Variants in FXR1 observed in about 807,000 individuals in gnomAD.
FXR1 encodes FMR1 autosomal homolog 1, also known as RNA-binding protein FXR1.
Under a neutral mutation model 84.0 loss-of-function variants are expected in FXR1, and 15 were observed. The ratio of observed to expected loss-of-function variants is 0.18; its 90% CI spans 0.12 to 0.27. The LOEUF (loss-of-function observed/expected upper bound fraction) is 0.27, where lower values mean the gene tolerates loss of function less well. FXR1 is among the 10% of genes least tolerant of loss of function. The pLI, the probability that FXR1 is intolerant of heterozygous loss-of-function variation, is 1.00. For missense variants in FXR1, 480 were observed against 774.4 expected (o/e 0.62, Z 4.51); for synonymous variants, 245 against 250.7 (o/e 0.98, Z 0.21).
In FXR1 at chr3:180,931,429, G is replaced by T. The variant is rs377753937; in HGVS notation, c.52-1905G>T. 4.6e-5 allele frequency among the ~76,000 whole-genome samples: 7 copies of T among 152,230 alleles called. No homozygotes were observed. The East Asian group carries it at 7.8e-4, about 17-fold the overall frequency. Reference sequence around the variant, plus strand: ...AGATGGAGTTTCACCATGTTGGCCAGGCTGGTCTCGAACTCCTGACCTCAG... The same window carrying T: ...AGATGGAGTTTCACCATGTTGGCCATGCTGGTCTCGAACTCCTGACCTCAG... On this transcript the variant is annotated intron_variant, in intron 1 of 16. Transcript: ENST00000357559.
intron 1 of FXR1, among the ~76,000 whole-genome samples, chr3:180,921,969 G>A (rs1359226499): frequency 6.6e-6 from 1 of 152,094 alleles, no homozygotes; most frequent in Non-Finnish European, 1.5e-5. Context: ...TACGCATTCA[G>A]TTACAAGTAT....
At position 180,981,887 on chromosome 3, in the gene FXR1, G is replaced by C. The variant is rs1015666067; in HGVS notation, c.*5595G>C. The C allele has an allele frequency of 1.3e-5, 2 of 151,990 alleles. No individual in the cohort carries two copies. Among genetic ancestry groups the C allele is most frequent in the African/African-American group, 2.4e-5 (1 of 41,390 alleles). 9.4% of individuals were successfully genotyped at this position (151,990 alleles called of 1,614,324 possible). A position where few individuals can be genotyped will look rare whatever the true frequency, so the allele number is the denominator to read the frequency against. ...CCTGGCTTCTGCAGAAGTTTAACTTGTAACCTACCTCTCATTCCCAAAGTG... is the reference window on the plus strand; with the variant it reads ...CCTGGCTTCTGCAGAAGTTTAACTTCTAACCTACCTCTCATTCCCAAAGTG... On this transcript the variant is annotated 3_prime_UTR_variant, in exon 17 of 17. Transcript: ENST00000357559.
chr3:180,949,740 C>T (rs1722033424), intron 7 of FXR1, among the ~76,000 whole-genome samples: 1 of 152,166 alleles, frequency 6.6e-6, no homozygotes, highest in Admixed American at 6.5e-5. Context: ...AGCCCAGGAC[C>T]TCTGTTTCGT....
intron 3 of FXR1, among the ~76,000 whole-genome samples, chr3:180,937,512 G>GT (rs560085990): frequency 4.9e-4 from 74 of 151,918 alleles, no homozygotes; most frequent in South Asian, 1.9e-3. Context: ...TGAATCTAGA[G>GT]TTTTTTTTAA....
chr3:180,974,731 AGTTTGCTTGT>A (rs1714012074), intron 15 of FXR1, among the ~76,000 whole-genome samples: 1 of 151,954 alleles, frequency 6.6e-6, no homozygotes, highest in South Asian at 2.1e-4. Context: ...TGTCATCTTT[AGTTTGCTTGT>A]AGTTTCTTAT....
chr3:180,915,259 G>A (rs1274878478), intron 1 of FXR1, among the ~76,000 whole-genome samples: 2 of 152,080 alleles, frequency 1.3e-5, no homozygotes, highest in Non-Finnish European at 2.9e-5. Flanking sequence ...CAATTATCAA[G>A]ATTAACTGTC....
chr3:180,954,323 G>A (rs929793600), intron 9 of FXR1, among the ~76,000 whole-genome samples: 1 of 152,150 alleles, frequency 6.6e-6, no homozygotes, highest in East Asian at 1.9e-4. Flanking sequence ...TTGTTGCAAG[G>A]CATAGAATAA....
At chr3:180,915,617 T>C (rs1468470996) in intron 1 of FXR1, 30 of 765,654 alleles carry the variant, frequency 3.9e-5, no homozygotes, top group Non-Finnish European at 6.1e-5. Flanking sequence ...TTTTTGGTGG[T>C]TTTTCAATGT....
chr3:180,925,099 C>T (rs1313805914), intron 1 of FXR1, among the ~76,000 whole-genome samples: 1 of 152,098 alleles, frequency 6.6e-6, no homozygotes, highest in Non-Finnish European at 1.5e-5. Context: ...CGCGATGGCT[C>T]ACGCCTGTAA....
rs539609762 is a variant in FXR1 at position 180,918,969 on chromosome 3, A to G, written c.51+6233A>G. 8.5e-5 allele frequency among the ~76,000 whole-genome samples: 13 copies of G among 152,356 alleles called. No individual in the cohort carries two copies. In the South Asian group the frequency reaches 2.7e-3, roughly 32 times the overall value. ...GATTCAGACTCTAAAGTTTGACACC[A>G]CAGAACCAATTTCTTTAACCATTAT... On this transcript the variant is annotated intron_variant, in intron 1 of 16. Transcript: ENST00000357559.
rs1252389704 is a variant in FXR1 at position 180,979,332 on chromosome 3, G to C, written c.*3040G>C. The stretch of plus-strand genomic sequence containing the variant: ...CTATGTCCAGGGACAGATGATTGGT[G>C]GTTAAGAATTACAGTAAAGGAAAAT... On this transcript the variant is annotated 3_prime_UTR_variant, in exon 17 of 17. Coordinates refer to ENST00000357559, the MANE Select transcript of FXR1 (RefSeq NM_005087.4). 6.6e-6 allele frequency: 1 copy of C among 152,004 alleles called. No individual in the cohort carries two copies. The highest frequency in any genetic ancestry group is 1.5e-5 in the Non-Finnish European group (1 of 67,962). 9.4% of individuals were successfully genotyped at this position (152,004 alleles called of 1,614,324 possible). A position where few individuals can be genotyped will look rare whatever the true frequency, so the allele number is the denominator to read the frequency against.
intron 13 of FXR1, among the ~76,000 whole-genome samples, chr3:180,964,324 A>G (rs895287521): frequency 4.6e-5 from 7 of 152,228 alleles, no homozygotes; most frequent in Non-Finnish European, 1.0e-4. Context: ...ATACATTATT[A>G]GCATAGATAA....
intron 11 of FXR1, 92 bp from the exon 12 acceptor site, chr3:180,962,791 A>T: frequency 1.2e-6 from 1 of 809,992 alleles, no homozygotes; most frequent in Non-Finnish European, 2.1e-6. Flanking sequence ...CTAAGGTCAC[A>T]GCTTTGATAG....
chr3:180,950,117 G>C (rs565897247), intron 7 of FXR1, among the ~76,000 whole-genome samples: 1 of 152,018 alleles, frequency 6.6e-6, no homozygotes, highest in Admixed American at 6.6e-5. Context: ...ACTCTGTTTT[G>C]TCCTGTTCTT....
chr3:180,953,263 AT>A (rs1331973753), intron 8 of FXR1, among the ~76,000 whole-genome samples: 2 of 152,244 alleles, frequency 1.3e-5, no homozygotes, highest in Non-Finnish European at 2.9e-5. Flanking sequence ...CTCATTAGAA[AT>A]TATGAATTTT....
At chr3:180,944,233 C>A (rs2108459469) in intron 3 of FXR1, among the ~76,000 whole-genome samples, 1 of 152,014 alleles carries the variant, frequency 6.6e-6, no homozygotes, top group Middle Eastern at 3.4e-3. Context: ...TTTTTGTAAC[C>A]CTCAGTATAC....
At chr3:180,953,983 T>G (rs890338161) in intron 9 of FXR1, 143 bp downstream of exon 9, 5 of 561,882 alleles carry the variant, frequency 8.9e-6, no homozygotes, top group Non-Finnish European at 3.1e-6. Context: ...CTTCTTTTCT[T>G]TTTTTGGTGA....
At chr3:180,970,113 G>A (rs979042178) in intron 14 of FXR1, 45 bp from the exon 15 acceptor site, 1 of 970,364 alleles carries the variant, frequency 1.0e-6, no homozygotes, top group East Asian at 2.4e-5. Flanking sequence ...ATTCATAATT[G>A]CAGTACTCTT....
At chr3:180,959,682 G>C (rs1377118221) in intron 10 of FXR1, among the ~76,000 whole-genome samples, 2 of 146,632 alleles carry the variant, frequency 1.4e-5, no homozygotes, top group African/African-American at 5.1e-5. Context: ...CCTTTTATCT[G>C]CTTGTGAACT....
Sources: allele counts gnomAD v4.1 joint callset (sites outside exome capture counted in the v4.1 genomes callset), GRCh38; gene constraint gnomAD v4.1.1; transcripts MANE v1.5; gene names NCBI Gene and HGNC (gene_info 2026-07-23, HGNC 2026-07-21).